BCKDHB: variants seen among roughly 807,000 people sequenced by gnomAD.
The protein encoded by BCKDHB is branched chain keto acid dehydrogenase E1 subunit beta.
Under a neutral mutation model 48.5 loss-of-function variants are expected in BCKDHB, and 41 were observed. That is an observed-to-expected ratio of 0.85 (90% CI 0.66 to 1.10). BCKDHB has a LOEUF of 1.10. BCKDHB is among the 50% of genes least tolerant of loss of function. BCKDHB has a pLI of 0.00. For missense variants in BCKDHB, 496 were observed against 494.2 expected, an observed-to-expected ratio of 1.00 and a Z score of -0.03; for synonymous variants, 201 against 174.8, an observed-to-expected ratio of 1.15 and a Z score of -1.18.
intron 8 of BCKDHB, among the ~76,000 whole-genome samples, chr6:80,270,645 T>G (rs568523933): frequency 3.9e-5 from 6 of 152,102 alleles, no homozygotes; most frequent in Non-Finnish European, 8.8e-5. Flanking sequence ...CATACAGAGG[T>G]GTTGAAGAAC....
intron 8 of BCKDHB, among the ~76,000 whole-genome samples, chr6:80,224,552 C>T (rs946300811): frequency 6.6e-6 from 1 of 152,020 alleles, no homozygotes; most frequent in African/African-American, 2.4e-5. Flanking sequence ...ACCACCACAC[C>T]CAGCTAATTT....
At chr6:80,153,527 C>T (rs1029521773) in intron 3 of BCKDHB, among the ~76,000 whole-genome samples, 6 of 152,218 alleles carry the variant, frequency 3.9e-5, no homozygotes, top group African/African-American at 9.6e-5. Flanking sequence ...GACCATGCAA[C>T]GTCCTCAGTA....
chr6:80,122,966 C>G (rs891057403), intron 1 of BCKDHB, among the ~76,000 whole-genome samples: 4 of 137,384 alleles, frequency 2.9e-5, no homozygotes, highest in Non-Finnish European at 6.3e-5. Context: ...GGCCTTCCCC[C>G]CCTCCCCCCC....
intron 8 of BCKDHB, among the ~76,000 whole-genome samples, chr6:80,236,704 C>T (rs1056209744): frequency 6.6e-6 from 1 of 152,168 alleles, no homozygotes; most frequent in Non-Finnish European, 1.5e-5. Context: ...TGAACCCAGG[C>T]AGTCCAATTC....
chr6:80,275,793 C>T (rs1017280944), intron 9 of BCKDHB, among the ~76,000 whole-genome samples: 3 of 151,840 alleles, frequency 2.0e-5, no homozygotes, highest in African/African-American at 7.2e-5. Context: ...TATTGAGCTT[C>T]CTCTCTATGG....
rs145544944 is a variant in BCKDHB, at chr6:80,299,301, G to C, written c.1038+26080G>C. The stretch of plus-strand genomic sequence containing the variant: ...GTCAGCCAGTTGGTGTGTGTGTGCA[G>C]ATGATTTTCCTTTGGGTCGGAGGGT... On this transcript the variant is annotated intron_variant, in intron 9 of 9. Transcript: ENST00000320393. Among the ~76,000 whole-genome samples, 606 of 152,284 alleles carry C rather than the reference G, an allele frequency of 4.0e-3. 4 individuals are homozygous for C. The highest frequency in any genetic ancestry group is 0.014 in the African/African-American group (569 of 41,552).
At chr6:80,290,598 C>G (rs1461743496) in intron 9 of BCKDHB, among the ~76,000 whole-genome samples, 1 of 152,102 alleles carries the variant, frequency 6.6e-6, no homozygotes, top group Non-Finnish European at 1.5e-5. Context: ...AAAATTTATC[C>G]CACTACTATA....
chr6:80,230,287 C>A (rs912775282), intron 8 of BCKDHB, among the ~76,000 whole-genome samples: 4 of 151,712 alleles, frequency 2.6e-5, no homozygotes, highest in African/African-American at 9.7e-5. Flanking sequence ...ATCCGCCCGC[C>A]TCGGCCTCCC....
chr6:80,211,216 A>G (rs540784802), intron 8 of BCKDHB, among the ~76,000 whole-genome samples: 1 of 152,226 alleles, frequency 6.6e-6, no homozygotes, highest in Non-Finnish European at 1.5e-5. Context: ...ACTGACACTT[A>G]TAATTCTGAC....
At chr6:80,268,576 G>A (rs1452225129) in intron 8 of BCKDHB, among the ~76,000 whole-genome samples, 1 of 151,988 alleles carries the variant, frequency 6.6e-6, no homozygotes, top group Non-Finnish European at 1.5e-5. Flanking sequence ...TCAGTTGTCT[G>A]TAAGAAAACA....
intron 8 of BCKDHB, among the ~76,000 whole-genome samples, chr6:80,240,015 A>G (rs978452519): frequency 1.3e-5 from 2 of 152,094 alleles, no homozygotes; most frequent in African/African-American, 2.4e-5. Context: ...GCCTTGTAGT[A>G]TAGTTTGAAG....
In BCKDHB at chr6:80,313,073, G is replaced by C. The variant is rs899465494; in HGVS notation, c.1039-30591G>C. ...CATCTGGTCCTGGGCTTTTTTTGTG[G>C]TTAGGCTATTTATTACTGCCTCAAT... is the stretch of plus-strand genomic sequence containing the variant. On this transcript the variant is annotated intron_variant, in intron 9 of 9. Coordinates refer to ENST00000320393, the MANE Select transcript of BCKDHB (RefSeq NM_183050.4). Among the ~76,000 whole-genome samples the C allele has an allele frequency of 2.6e-5, 4 of 151,956 alleles. No individual in the cohort carries two copies. The South Asian group carries it at 6.2e-4, about 24-fold the overall frequency.
the BCKDHB span, among the ~76,000 whole-genome samples, chr6:80,420,822 A>G: frequency 6.6e-6 from 1 of 152,194 alleles, no homozygotes; most frequent in Non-Finnish European, 1.5e-5. Context: ...GTGTCCCATA[A>G]GGTTAAGGAG....
chr6:80,456,322 G>T, the BCKDHB span, among the ~76,000 whole-genome samples: 1 of 151,902 alleles, frequency 6.6e-6, no homozygotes, highest in African/African-American at 2.4e-5. Context: ...TTGAATAAAA[G>T]AACAATTGCA....
intron 9 of BCKDHB, among the ~76,000 whole-genome samples, chr6:80,329,064 T>C (rs1202304498): frequency 6.6e-6 from 1 of 152,128 alleles, no homozygotes; most frequent in African/African-American, 2.4e-5. Context: ...AATTGATATC[T>C]TTAAGGCACT....
the BCKDHB span, among the ~76,000 whole-genome samples, chr6:80,411,120 A>G: frequency 2.0e-5 from 3 of 151,846 alleles, no homozygotes; most frequent in African/African-American, 4.8e-5. Context: ...TGACCTACAG[A>G]TGGGTTTTTT....
At chr6:80,439,194 C>A in the BCKDHB span, among the ~76,000 whole-genome samples, 163 of 152,252 alleles carry the variant, frequency 1.1e-3, 1 homozygote, top group African/African-American at 3.9e-3. Flanking sequence ...AGAAATACAA[C>A]CTAGTTCAGA....
chr6:80,369,046 T>A, the BCKDHB span, among the ~76,000 whole-genome samples: 2 of 151,082 alleles, frequency 1.3e-5, no homozygotes, highest in East Asian at 3.9e-4. Flanking sequence ...AGAAAAAAAA[T>A]TCCATCGGTG....
intron 8 of BCKDHB, among the ~76,000 whole-genome samples, chr6:80,239,274 C>T (rs554058309): frequency 6.6e-6 from 1 of 152,128 alleles, no homozygotes; most frequent in Non-Finnish European, 1.5e-5. Context: ...TGTTTCCTGA[C>T]TTTTTAATGA....
Sources: allele counts gnomAD v4.1 joint callset (sites outside exome capture counted in the v4.1 genomes callset), GRCh38; gene constraint gnomAD v4.1.1; transcripts MANE v1.5; gene names NCBI Gene and HGNC (gene_info 2026-07-23, HGNC 2026-07-21).